DLGAP2: variants seen among roughly 807,000 people sequenced by gnomAD.
DLGAP2 encodes disks large-associated protein 2.
In DLGAP2, 26 loss-of-function variants were observed where a neutral mutation model predicts 100.3. The observed-to-expected ratio is 0.26, with a 90% CI of 0.19 to 0.36. DLGAP2 has a LOEUF of 0.36. Among genes scored for constraint, DLGAP2 ranks in the 10% least tolerant of loss-of-function variants. The probability of loss-of-function intolerance (pLI) is 1.00; values close to 1 mark genes in which losing one functional copy is unlikely to be tolerated. For missense variants in DLGAP2, 1,858 were observed against 1,453.2 expected (o/e 1.28, Z -4.53); for synonymous variants, 886 against 630.1 (o/e 1.41, Z -6.08).
intron 8 of DLGAP2, among the ~76,000 whole-genome samples, chr8:1,647,700 G>A (rs1798074389): frequency 6.6e-6 from 1 of 152,118 alleles, no homozygotes; most frequent in African/African-American, 2.4e-5. Context: ...CCACGCTTGA[G>A]GCTGCAGGAG....
intron 1 of DLGAP2, among the ~76,000 whole-genome samples, chr8:797,051 T>C (rs1319862642): frequency 6.6e-6 from 1 of 152,232 alleles, no homozygotes; most frequent in Non-Finnish European, 1.5e-5. Context: ...CAATATTACT[T>C]TCTTGTTTTT....
chr8:1,628,850 C>G (rs1273083791), intron 7 of DLGAP2, among the ~76,000 whole-genome samples: 1 of 152,202 alleles, frequency 6.6e-6, no homozygotes, highest in African/African-American at 2.4e-5. Flanking sequence ...AGGGATTATT[C>G]TGGGCTTCTG....
intron 2 of DLGAP2, among the ~76,000 whole-genome samples, chr8:1,062,675 C>G (rs576090766): frequency 6.6e-6 from 1 of 152,130 alleles, no homozygotes; most frequent in East Asian, 1.9e-4. Context: ...ATAGGTCTTG[C>G]CTTTCTTATA....
chr8:988,339 T>A (rs1356244261), intron 2 of DLGAP2, among the ~76,000 whole-genome samples: 4 of 152,194 alleles, frequency 2.6e-5, no homozygotes, highest in Non-Finnish European at 4.4e-5. Context: ...ACTGAAGCCC[T>A]GTAAGTCTCT....
intron 7 of DLGAP2, among the ~76,000 whole-genome samples, chr8:1,628,278 C>G (rs1797557827): frequency 6.9e-6 from 1 of 145,898 alleles, no homozygotes; most frequent in Non-Finnish European, 1.5e-5. Flanking sequence ...ACCTCACATT[C>G]TCTCTGACTT....
intron 2 of DLGAP2, among the ~76,000 whole-genome samples, chr8:1,121,570 T>C: frequency 6.9e-6 from 1 of 145,432 alleles, no homozygotes; most frequent in South Asian, 2.2e-4. Flanking sequence ...TTCTTCCCAT[T>C]AGAACCCATG....
chr8:806,631 C>G (rs2132664093), intron 1 of DLGAP2, among the ~76,000 whole-genome samples: 1 of 152,306 alleles, frequency 6.6e-6, no homozygotes, highest in African/African-American at 2.4e-5. Flanking sequence ...CCTGGGGTCC[C>G]TGCTGACCCC....
intron 3 of DLGAP2, among the ~76,000 whole-genome samples, chr8:1,371,622 T>G (rs990159142): frequency 1.3e-5 from 2 of 152,248 alleles, no homozygotes; most frequent in African/African-American, 4.8e-5. Flanking sequence ...TTATGTTTTC[T>G]TAAATTTGAT....
At chr8:936,781 T>A (rs1228284009) in intron 2 of DLGAP2, among the ~76,000 whole-genome samples, 1 of 152,166 alleles carries the variant, frequency 6.6e-6, no homozygotes, top group East Asian at 1.9e-4. Context: ...GCTCTGCAGA[T>A]GCCCGGGAAG....
At chr8:1,164,745 G>T (rs1022889618) in intron 2 of DLGAP2, among the ~76,000 whole-genome samples, 1 of 152,158 alleles carries the variant, frequency 6.6e-6, no homozygotes, top group African/African-American at 2.4e-5. Context: ...CGAAACAAAT[G>T]TCTGAGGTCT....
chr8:1,660,729 A>G (rs1212632505), intron 8 of DLGAP2, among the ~76,000 whole-genome samples: 1 of 152,236 alleles, frequency 6.6e-6, no homozygotes, highest in Non-Finnish European at 1.5e-5. Flanking sequence ...GATTAAAAAT[A>G]TCCTACCAGG....
rs574658802 is a variant in DLGAP2 at position 1,669,685 on chromosome 8, C to T, written c.2161-58C>T. On this transcript the variant is annotated intron_variant, in intron 9 of 14. Transcript: ENST00000637795. Reference sequence around the variant, plus strand: ...GGGCGGAGAGAGCAGGGGAGCCGCCCGCTGGTCCAGGGCCTCCGAACCAGG... The same window carrying T: ...GGGCGGAGAGAGCAGGGGAGCCGCCTGCTGGTCCAGGGCCTCCGAACCAGG... 254 of 780,368 alleles carry T rather than the reference C, an allele frequency of 3.3e-4. 1 individual carries two copies. Among genetic ancestry groups the T allele is most frequent in the East Asian group, 1.1e-3 (45 of 41,246 alleles). 48.3% of individuals were successfully genotyped at this position (780,368 alleles called of 1,614,324 possible). A position where few individuals can be genotyped will look rare whatever the true frequency, so the allele number is the denominator to read the frequency against.
chr8:1,036,821 A>G lies in DLGAP2; in HGVS notation c.73+128855A>G, dbSNP rs573058069. On this transcript the variant is annotated intron_variant, in intron 2 of 14. Transcript: ENST00000637795. ...TGTCAATAGGCAGTCATGGTTCAGA[A>G]TCCTGGGTGCCCTCAAAATAATAAA... Among the ~76,000 whole-genome samples, 12 of 152,270 alleles carry G rather than the reference A, an allele frequency of 7.9e-5. No homozygotes were observed. In the East Asian group the frequency reaches 2.1e-3, roughly 27 times the overall value.
chr8:1,512,699 C>T (rs142600547), intron 4 of DLGAP2, among the ~76,000 whole-genome samples: 130 of 152,378 alleles, frequency 8.5e-4, no homozygotes, highest in Non-Finnish European at 1.7e-3. Flanking sequence ...ACAGCAAATG[C>T]GTGAGTACCC....
At chr8:1,371,486 C>T (rs1450262935) in intron 3 of DLGAP2, among the ~76,000 whole-genome samples, 9 of 152,174 alleles carry the variant, frequency 5.9e-5, no homozygotes, top group South Asian at 2.1e-4. Context: ...CGTTGCTGCC[C>T]AGTCACTGCA....
intron 2 of DLGAP2, among the ~76,000 whole-genome samples, chr8:1,074,611 A>G (rs1803545192): frequency 6.6e-6 from 1 of 152,198 alleles, no homozygotes; most frequent in South Asian, 2.1e-4. Context: ...TAGATCAGTA[A>G]CAGACTTGCA....
chr8:1,452,562 C>T (rs753588041), intron 3 of DLGAP2, among the ~76,000 whole-genome samples: 44 of 152,286 alleles, frequency 2.9e-4, no homozygotes, highest in East Asian at 7.7e-4. Context: ...CCCAGTGGCC[C>T]GGCTTAAATT....
intron 2 of DLGAP2, among the ~76,000 whole-genome samples, chr8:1,135,850 CG>C: frequency 6.6e-6 from 1 of 152,220 alleles, no homozygotes; most frequent in African/African-American, 2.4e-5. Context: ...CTGCTGAGCA[CG>C]GGGGATTGGC....
At chr8:1,055,176 C>G (rs1802840757) in intron 2 of DLGAP2, among the ~76,000 whole-genome samples, 1 of 152,182 alleles carries the variant, frequency 6.6e-6, no homozygotes, top group South Asian at 2.1e-4. Context: ...CACTTTTTCT[C>G]AATTGTCCAA....
Sources: gnomAD v4.1 joint callset for allele counts (sites outside exome capture counted in the v4.1 genomes callset) on GRCh38, gnomAD v4.1.1 for gene constraint, MANE v1.5 for transcripts, NCBI Gene and HGNC (gene_info 2026-07-23, HGNC 2026-07-21) for gene names.